The following CNTN5 variants were observed in gnomAD, a reference collection of about 807,000 sequenced individuals.
CNTN5 encodes contactin 5, also known as contactin-5.
Under a neutral mutation model 129.1 loss-of-function variants are expected in CNTN5, and 77 were observed. The ratio of observed to expected loss-of-function variants is 0.60; its 90% confidence interval spans 0.50 to 0.72. CNTN5 has a LOEUF of 0.72. Among genes scored for constraint, CNTN5 ranks in the 30% least tolerant of loss-of-function variants. The probability of loss-of-function intolerance (pLI) is 0.00; values close to 1 mark genes in which losing one functional copy is unlikely to be tolerated. For synonymous variants in CNTN5, 509 were observed against 465.6 expected, an observed-to-expected ratio of 1.09 and a Z score of -1.20; for missense variants, 1,478 against 1,328.8, an observed-to-expected ratio of 1.11 and a Z score of -1.75.
At chr11:99,353,105 C>T (rs77949844) in intron 2 of CNTN5, among the ~76,000 whole-genome samples, 2,368 of 152,188 alleles carry the variant, frequency 0.016, 28 homozygotes, top group African/African-American at 0.022. Flanking sequence ...TCCTATAAGC[C>T]CTTTCAGACA....
chr11:99,729,430 T>A (rs2135086133), intron 3 of CNTN5, among the ~76,000 whole-genome samples: 1 of 152,284 alleles, frequency 6.6e-6, no homozygotes. Context: ...ATAGTTATTT[T>A]TTTCTGCTCC....
chr11:99,885,599 C>T (rs145654338), intron 6 of CNTN5, among the ~76,000 whole-genome samples: 2 of 152,198 alleles, frequency 1.3e-5, no homozygotes, highest in Non-Finnish European at 2.9e-5. Flanking sequence ...CTAACAGGAA[C>T]GTTTTAAGAT....
At chr11:99,757,222 A>G (rs1944432818) in intron 3 of CNTN5, among the ~76,000 whole-genome samples, 1 of 151,828 alleles carries the variant, frequency 6.6e-6, no homozygotes, top group Non-Finnish European at 1.5e-5. Flanking sequence ...ATCTTCCTTC[A>G]TTTTCACATG....
chr11:99,034,985 G>T (rs1221613537), intron 1 of CNTN5, among the ~76,000 whole-genome samples: 12 of 150,938 alleles, frequency 8.0e-5, no homozygotes, highest in Non-Finnish European at 1.6e-4. Flanking sequence ...GTTCTCGTTG[G>T]TTTCAAAGAA....
At chr11:99,556,554 A>AATATATATATATATATAT (rs199758207) in intron 3 of CNTN5, among the ~76,000 whole-genome samples, 30 of 72,326 alleles carry the variant, frequency 4.1e-4, no homozygotes, top group Non-Finnish European at 6.1e-4. Flanking sequence ...AAGGCTTGGA[A>AATATATATATATATATAT]ATATATATAT....
chr11:99,937,744 G>A (rs1026879994), intron 7 of CNTN5, among the ~76,000 whole-genome samples: 2 of 152,142 alleles, frequency 1.3e-5, no homozygotes, highest in African/African-American at 4.8e-5. Flanking sequence ...TGACAAACAG[G>A]CCAGGAAGAT....
intron 2 of CNTN5, among the ~76,000 whole-genome samples, chr11:99,332,114 A>G (rs1325592004): frequency 2.0e-5 from 3 of 152,132 alleles, no homozygotes; most frequent in Non-Finnish European, 2.9e-5. Flanking sequence ...AACTGATAGA[A>G]CTATTATTCA....
intron 13 of CNTN5, among the ~76,000 whole-genome samples, chr11:100,095,105 T>C (rs1218805862): frequency 6.6e-6 from 1 of 152,120 alleles, no homozygotes; most frequent in Admixed American, 6.6e-5. Flanking sequence ...GATGATGATA[T>C]TGCACAAAGA....
intron 3 of CNTN5, among the ~76,000 whole-genome samples, chr11:99,601,421 C>T (rs1475972241): frequency 6.6e-6 from 1 of 152,100 alleles, no homozygotes; most frequent in Non-Finnish European, 1.5e-5. Context: ...CAATATTTGT[C>T]ATCCCTCAAG....
At chr11:99,319,048 C>T (rs1865457304) in intron 1 of CNTN5, among the ~76,000 whole-genome samples, 1 of 152,086 alleles carries the variant, frequency 6.6e-6, no homozygotes, top group Admixed American at 6.6e-5. Flanking sequence ...CTAACATTCA[C>T]TCACTCTGTA....
intron 13 of CNTN5, among the ~76,000 whole-genome samples, chr11:100,175,551 A>G (rs1313980096): frequency 1.3e-5 from 2 of 152,166 alleles, no homozygotes; most frequent in East Asian, 1.9e-4. Context: ...GGAAAACACT[A>G]TGTACCAGTT....
intron 1 of CNTN5, among the ~76,000 whole-genome samples, chr11:99,277,906 A>G (rs1193262817): frequency 6.6e-6 from 1 of 151,690 alleles, no homozygotes; most frequent in East Asian, 1.9e-4. Context: ...TCACGACACA[A>G]CAATGCAGAA....
At chr11:100,340,694 A>G (rs372105874) in intron 22 of CNTN5, 45 bp downstream of exon 22, 2 of 1,504,018 alleles carry the variant, frequency 1.3e-6, no homozygotes, top group Admixed American at 2.3e-5. Flanking sequence ...AAGGGGAAAC[A>G]TCGTATAACA....
chr11:99,731,081 C>T (rs1943515624), intron 3 of CNTN5, among the ~76,000 whole-genome samples: 1 of 152,044 alleles, frequency 6.6e-6, no homozygotes. Context: ...AGGGGACAAG[C>T]AGCTATATAA....
intron 13 of CNTN5, among the ~76,000 whole-genome samples, chr11:100,162,457 C>G (rs1289089433): frequency 6.6e-6 from 1 of 151,814 alleles, no homozygotes; most frequent in Non-Finnish European, 1.5e-5. Context: ...GAAATGTTTA[C>G]AAACAGAAAC....
At chr11:99,559,312 T>C (rs1325727577) in intron 3 of CNTN5, among the ~76,000 whole-genome samples, 3 of 152,086 alleles carry the variant, frequency 2.0e-5, no homozygotes, top group African/African-American at 7.2e-5. Flanking sequence ...ATTCCATATT[T>C]CCTTTATTTA....
chr11:99,639,685 C>CT (rs1951698840), intron 3 of CNTN5, among the ~76,000 whole-genome samples: 1 of 150,692 alleles, frequency 6.6e-6, no homozygotes, highest in African/African-American at 2.4e-5. Context: ...CTGCCTCAGC[C>CT]TCCCAAGTAG....
chr11:99,085,993 A>T (rs12283741), intron 1 of CNTN5, among the ~76,000 whole-genome samples: 4,947 of 152,318 alleles, frequency 0.032, 259 homozygotes, highest in African/African-American at 0.11. Flanking sequence ...GCCTAGGAGC[A>T]ATAGGCACAC....
intron 3 of CNTN5, among the ~76,000 whole-genome samples, chr11:99,769,609 G>A (rs760107255): frequency 2.6e-5 from 4 of 151,990 alleles, no homozygotes; most frequent in Non-Finnish European, 5.9e-5. Context: ...GGCTGAAGAG[G>A]GCGAATAGCT....
Sources: gnomAD v4.1 joint callset for allele counts (sites outside exome capture counted in the v4.1 genomes callset) on GRCh38, gnomAD v4.1.1 for gene constraint, MANE v1.5 for transcripts, NCBI Gene and HGNC (gene_info 2026-07-23, HGNC 2026-07-21) for gene names.